Variants in RRP8 observed in about 807,000 individuals in gnomAD.
RRP8 encodes ribosomal RNA-processing protein 8.
A neutral mutation model predicts 45.0 loss-of-function variants in RRP8; 48 were observed. That is an observed-to-expected ratio of 1.07 (90% CI 0.85 to 1.36). The LOEUF is 1.36. Ranked by LOEUF, RRP8 falls within the 40% of genes most tolerant of loss-of-function variation. RRP8 has a pLI of 0.00. For synonymous variants in RRP8, 274 were observed against 212.4 expected, an observed-to-expected ratio of 1.29 and a Z score of -2.52; for missense variants, 658 against 573.7, an observed-to-expected ratio of 1.15 and a Z score of -1.50.
At position 6,600,673 on chromosome 11, in the gene RRP8, GC is replaced by G. The variant is rs1854325635; in HGVS notation, c.1149del (p.Lys383AsnfsTer6). On this transcript the variant is annotated frameshift_variant, in exon 5 of 7. Transcript: ENST00000254605. LOFTEE classifies it high-confidence loss of function. ...CTGTGTCCTGGGGGCTCTTACCCTG[GC>G]TTCAGTACTCTATTTGCCTCCTCTA... ...DFLEEANRVL[K>X]PGGLLKVAEV... 1.4e-5 allele frequency: 23 copies of G among 1,613,644 alleles called. No homozygotes were observed. Among genetic ancestry groups the G allele is most frequent in the Non-Finnish European group, 1.7e-5 (20 of 1,179,726 alleles).
At position 6,599,549 on chromosome 11, in the gene RRP8, G is replaced by C. The variant is rs981719279; in HGVS notation, c.*597C>G. The C allele has an allele frequency of 6.6e-6, 1 of 152,300 alleles. No homozygotes were observed. The highest frequency in any genetic ancestry group is 2.4e-5 in the African/African-American group (1 of 41,452). The allele number at this position is 152,300 out of a possible 1,614,324, so 9.4% of individuals were successfully genotyped here. On this transcript the variant is annotated 3_prime_UTR_variant, in exon 7 of 7. Coordinates refer to ENST00000254605, the MANE Select transcript of RRP8 (RefSeq NM_015324.4). The stretch of plus-strand genomic sequence containing the variant: ...TATATGGTTCCAAAAATGGAGATGA[G>C]GGGAGAGGGGAAAGATAAACCACTA...
At chr11:6,602,336 G>A in intron 1 of RRP8, 121 bp from the exon 2 acceptor site, 1 of 1,249,710 alleles carries the variant, frequency 8.0e-7, no homozygotes, top group Non-Finnish European at 1.1e-6. Context: ...TCCCAGTCAA[G>A]CCTGCCAGAA....
rs1427707965 is a variant in RRP8 at position 6,601,277 on chromosome 11, G to C, written c.789C>G (p.Ser263Arg). The C allele has an allele frequency of 1.9e-6, 3 of 1,612,678 alleles. No individual in the cohort carries two copies. The East Asian group carries it at 6.7e-5, about 36-fold the overall frequency. ...YLNEQLYSGPSSAAQRLFQED... is the reference protein window; with the variant it reads ...YLNEQLYSGPRSAAQRLFQED... ...CCTGGAAGAGACGCTGTGCAGCACT[G>C]CTGGGCCCTGAGTACAACTGTTCAT... is the stretch of plus-strand genomic sequence containing the variant. The change falls in exon 3 of 7, where the codon AGC (serine) becomes AGG (arginine). Residue 263 changes from serine to arginine, a missense_variant. By Grantham distance (110) the Ser-to-Arg change is moderately radical (BLOSUM62 -1). Transcript: ENST00000254605.
intron 1 of RRP8, 171 bp from the exon 2 acceptor site, chr11:6,602,386 A>T: frequency 1.5e-6 from 1 of 673,016 alleles, no homozygotes; most frequent in Non-Finnish European, 2.3e-6. Flanking sequence ...ACTTCTGGGA[A>T]GCTGGAGAGC....
In RRP8 at chr11:6,597,212, C is replaced by A. The variant is rs1163928430; in HGVS notation, c.*2934G>T. 3.9e-5 allele frequency: 6 copies of A among 152,102 alleles called. No individual in the cohort carries two copies. Among genetic ancestry groups the A allele is most frequent in the Admixed American group, 3.3e-4 (5 of 15,264 alleles). The allele number at this position is 152,102 out of a possible 1,614,324, so 9.4% of individuals were successfully genotyped here. A position where few individuals can be genotyped will look rare whatever the true frequency, so the allele number is the denominator to read the frequency against. On this transcript the variant is annotated 3_prime_UTR_variant, in exon 7 of 7. Transcript: ENST00000254605. ...GGTATGCTCTTCCCTCTGCTCGGCT[C>A]CTCTCTACCTAATCACTGCTGATTG...
At position 6,600,275 on chromosome 11, in the gene RRP8, GA is replaced by G; in HGVS notation, c.1252-11del. On this transcript the variant is annotated splice_polypyrimidine_tract_variant and intron_variant, in intron 6 of 6. Coordinates refer to ENST00000254605, the MANE Select transcript of RRP8 (RefSeq NM_015324.4). ...GGCTGTTGGTCAGGTCCTAGGGGCA[GA>G]AAAGACCCAGTGAGAACCAAATCCT... is the stretch of plus-strand genomic sequence containing the variant. 1 of 1,560,854 alleles carries G rather than the reference GA, an allele frequency of 6.4e-7. No homozygotes were observed. The highest frequency in any genetic ancestry group is 8.7e-7 in the Non-Finnish European group (1 of 1,151,258).
rs909948535 is a variant in RRP8, at chr11:6,600,027, C to G, written c.*119G>C. On this transcript the variant is annotated 3_prime_UTR_variant, in exon 7 of 7. Coordinates refer to ENST00000254605, the MANE Select transcript of RRP8 (RefSeq NM_015324.4). ...AGTCTGAGCCAGAGGTTTTATCACA[C>G]TTTGTCCTCAGGGTCCACCAGGAAC... 3 of 630,130 alleles carry G rather than the reference C, an allele frequency of 4.8e-6. No homozygotes were observed. Among genetic ancestry groups the G allele is most frequent in the Non-Finnish European group, 8.0e-6 (3 of 375,658 alleles). The allele number at this position is 630,130 out of a possible 1,614,324, so 39.0% of individuals were successfully genotyped here. A position where few individuals can be genotyped will look rare whatever the true frequency, so the allele number is the denominator to read the frequency against.
At position 6,601,658 on chromosome 11, in the gene RRP8, T is replaced by C. The variant is rs1037580901; in HGVS notation, c.464-56A>G. On this transcript the variant is annotated intron_variant, in intron 2 of 6. Transcript: ENST00000254605. ...GAGGCAAGATCTCTTACATTCGGAG[T>C]CACGGCAAGTCATCCCAGCCATACC... is the stretch of plus-strand genomic sequence containing the variant. 26 of 1,524,652 alleles carry C rather than the reference T, an allele frequency of 1.7e-5. No homozygotes were observed. The African/African-American group carries it at 3.2e-4, about 19-fold the overall frequency. The allele number at this position is 1,524,652 out of a possible 1,614,324, so 94.4% of individuals were successfully genotyped here.
Position 6,601,835 on chromosome 11 carries a change from T to TACAC in RRP8, c.463+13_463+16dup. The TACAC allele has an allele frequency of 6.3e-7, 1 of 1,592,502 alleles. No individual in the cohort carries two copies. Among genetic ancestry groups the TACAC allele is most frequent in the Non-Finnish European group, 8.6e-7 (1 of 1,168,222 alleles). ...ACACACACACCAACACACACACATA[T>TACAC]ACACATCCAATGGTACCTGTTTGGT... On this transcript the variant is annotated intron_variant, in intron 2 of 6. Coordinates refer to ENST00000254605, the MANE Select transcript of RRP8 (RefSeq NM_015324.4).
At position 6,600,579 on chromosome 11, in the gene RRP8, A is replaced by G. The variant is rs752980239; in HGVS notation, c.1158T>C (p.Gly386=). The change falls in exon 6 of 7, where the codon GGT becomes GGC. Residue 386 remains glycine, a synonymous_variant. Transcript: ENST00000254605. ...EEANRVLKPG[G]LLKVAEVSSR... is the part of the protein sequence containing the mutation. ...TGCTGACCTCAGCCACTTTCAGGAGACCCCTGAGAAAGACAGAAAGTTCTG... is the reference window on the plus strand; with the variant it reads ...TGCTGACCTCAGCCACTTTCAGGAGGCCCCTGAGAAAGACAGAAAGTTCTG... 1 of 1,613,920 alleles carries G rather than the reference A, an allele frequency of 6.2e-7. No individual in the cohort carries two copies. Among genetic ancestry groups the G allele is most frequent in the Non-Finnish European group, 8.5e-7 (1 of 1,179,870 alleles).
At position 6,602,116 on chromosome 11, in the gene RRP8, C is replaced by T. The variant is rs759546107; in HGVS notation, c.199G>A (p.Glu67Lys). 1.2e-6 allele frequency: 2 copies of T among 1,613,088 alleles called. No individual in the cohort carries two copies. Among genetic ancestry groups the T allele is most frequent in the South Asian group, 1.1e-5 (1 of 91,040 alleles). Residue 67 changes from glutamate (E) to lysine (K), a missense_variant, in exon 2 of 7, where the codon GAG (glutamate) becomes AAG (lysine). Glu to Lys is a moderately conservative substitution (Grantham distance 56). Coordinates refer to ENST00000254605, the MANE Select transcript of RRP8 (RefSeq NM_015324.4). ...CATTTCTTCTTCCTTTCCTCCTCCT[C>T]CTCCTCAGAGTCACTTATACATAGG... ...PSLCISDSEEEEEERKKKCPK... is the reference protein window; with the variant it reads ...PSLCISDSEEKEEERKKKCPK...
In RRP8 at chr11:6,601,506, T is replaced by G. The variant is rs779551074; in HGVS notation, c.560A>C (p.Gln187Pro). 2.5e-6 allele frequency: 4 copies of G among 1,612,642 alleles called. No homozygotes were observed. The highest frequency in any genetic ancestry group is 3.4e-6 in the Non-Finnish European group (4 of 1,180,030). ...PKPPHTLSRK[Q>P]WRNRQKNKRR... is the part of the protein sequence containing the mutation. ...CTTGTTCTTTTGCCGGTTCCGCCAC[T>G]GCTTGCGGCTTAATGTATGAGGGGG... Residue 187 changes from glutamine (Q) to proline (P), a missense_variant, in exon 3 of 7, where the codon CAG becomes CCG. Coordinates refer to ENST00000254605, the MANE Select transcript of RRP8 (RefSeq NM_015324.4).
chr11:6,602,194 A>G lies in RRP8; in HGVS notation c.121T>C (p.Leu41=). The G allele has an allele frequency of 6.4e-7, 1 of 1,570,142 alleles. No individual in the cohort carries two copies. The highest frequency in any genetic ancestry group is 8.6e-7 in the Non-Finnish European group (1 of 1,160,358). ...GCCTCTAGGGCCCGTAATGTGGCCA[A>G]GAGCTGGCGGCGCTTGGAGCCCTGG... ...QNKGSKRRQL[L]ATLRALEAAS... The change falls in exon 2 of 7, where the codon TTG becomes CTG. Residue 41 remains leucine (L), a synonymous_variant. Coordinates refer to ENST00000254605, the MANE Select transcript of RRP8 (RefSeq NM_015324.4).
rs1854326537 is a variant in RRP8, at chr11:6,600,696, T to C, written c.1127A>G (p.Glu376Gly). 6.2e-7 allele frequency: 1 copy of C among 1,614,080 alleles called. No homozygotes were observed. The highest frequency in any genetic ancestry group is 8.5e-7 in the Non-Finnish European group (1 of 1,179,990). ...LMGTNIRDFL[E>G]EANRVLKPGG... is the part of the protein sequence containing the mutation. The stretch of plus-strand genomic sequence containing the variant: ...TGGCTTCAGTACTCTATTTGCCTCC[T>C]CTAGGAAGTCCCTGATGTTGGTTCC... Residue 376 changes from glutamate to glycine, a missense_variant, in exon 5 of 7, where the codon GAG becomes GGG. Glu to Gly is a moderately conservative substitution (Grantham distance 98, BLOSUM62 -2). Coordinates refer to ENST00000254605, the MANE Select transcript of RRP8 (RefSeq NM_015324.4).
In RRP8 at chr11:6,598,657, G is replaced by A. The variant is rs1213013375; in HGVS notation, c.*1489C>T. On this transcript the variant is annotated 3_prime_UTR_variant, in exon 7 of 7. Transcript: ENST00000254605. ...GAATATCCAGCAGAAAGAACAGTAC[G>A]TGTAGAGGCACTGTGTAGTGCCTGC... 1 of 152,256 alleles carries A rather than the reference G, an allele frequency of 6.6e-6. No homozygotes were observed. The highest frequency in any genetic ancestry group is 2.4e-5 in the African/African-American group (1 of 41,446). The allele number at this position is 152,256 out of a possible 1,614,324, so 9.4% of individuals were successfully genotyped here.
chr11:6,601,218 C>G lies in RRP8; in HGVS notation c.848G>C (p.Gly283Ala). ...DPEAFLLYHR[G>A]FQSQVKKWPL... The stretch of plus-strand genomic sequence containing the variant: ...CCACTTCTTCACTTGGCTCTGGAAG[C>G]CGCGGTGGTAGAGAAGAAAAGCCTC... The change falls in exon 3 of 7, where the codon GGC (glycine) becomes GCC (alanine). Residue 283 changes from glycine to alanine, a missense_variant. Coordinates refer to ENST00000254605, the MANE Select transcript of RRP8 (RefSeq NM_015324.4). 1.9e-6 allele frequency: 3 copies of G among 1,612,542 alleles called. No homozygotes were observed. The highest frequency in any genetic ancestry group is 2.5e-6 in the Non-Finnish European group (3 of 1,179,248).
intron 2 of RRP8, 96 bp from the exon 3 acceptor site, chr11:6,601,698 C>T (rs1462858676): frequency 1.3e-5 from 20 of 1,492,646 alleles, no homozygotes; most frequent in Admixed American, 6.0e-5. Flanking sequence ...TCTTTGAGAT[C>T]GTGACTGTGG....
chr11:6,601,006 C>A lies in RRP8; in HGVS notation c.967G>T (p.Ala323Ser), dbSNP rs753492747. The change falls in exon 4 of 7, where the codon GCT becomes TCT. Residue 323 changes from alanine to serine, a missense_variant. Coordinates refer to ENST00000254605, the MANE Select transcript of RRP8 (RefSeq NM_015324.4). ...ADFGCGDCRL[A>S]SSIRNPVHCF... ...TGCACAGGGTTCCGGATACTTGAAGCCAAGCGGCAATCCCCACAGCCGAAG... is the reference window on the plus strand; with the variant it reads ...TGCACAGGGTTCCGGATACTTGAAGACAAGCGGCAATCCCCACAGCCGAAG... The A allele has an allele frequency of 6.2e-7, 1 of 1,614,220 alleles. No homozygotes were observed. Among genetic ancestry groups the A allele is most frequent in the Non-Finnish European group, 8.5e-7 (1 of 1,180,044 alleles).
intron 4 of RRP8, 59 bp downstream of exon 4, chr11:6,600,867 T>G: frequency 6.2e-7 from 1 of 1,612,880 alleles, no homozygotes; most frequent in Non-Finnish European, 8.5e-7. Flanking sequence ...AAGGAAGGGT[T>G]AGAGATTAGC....
Sources: allele counts gnomAD v4.1 joint callset, GRCh38; gene constraint gnomAD v4.1.1; transcripts MANE v1.5; gene names NCBI Gene and HGNC (gene_info 2026-07-23, HGNC 2026-07-21).